The following RALYL variants were observed in gnomAD, a reference collection of about 807,000 sequenced individuals.
RALYL encodes RNA-binding Raly-like protein.
In RALYL, 29 loss-of-function variants were observed where a neutral mutation model predicts 35.1. That is an observed-to-expected ratio of 0.83 (90% CI 0.61 to 1.13). The LOEUF (loss-of-function observed/expected upper bound fraction) is 1.13, where lower values mean the gene tolerates loss of function less well. Ranked by LOEUF, RALYL falls within the 50% of genes most tolerant of loss-of-function variation. RALYL has a pLI of 0.00. For synonymous variants in RALYL, 120 were observed against 127.6 expected, an observed-to-expected ratio of 0.94 and a Z score of 0.40; for missense variants, 359 against 360.4, an observed-to-expected ratio of 1.00 and a Z score of 0.03.
chr8:84,340,912 A>G (rs1391385116), intron 1 of RALYL, among the ~76,000 whole-genome samples: 1 of 152,034 alleles, frequency 6.6e-6, no homozygotes, highest in African/African-American at 2.4e-5. Flanking sequence ...TACAGGCCAC[A>G]CCATTTTACA....
At chr8:84,818,280 G>A (rs1351671906) in intron 4 of RALYL, among the ~76,000 whole-genome samples, 1 of 152,110 alleles carries the variant, frequency 6.6e-6, no homozygotes, top group Non-Finnish European at 1.5e-5. Flanking sequence ...AAGGATGGTT[G>A]GTAGCAGAAC....
chr8:84,457,515 T>C (rs903071827), intron 1 of RALYL, among the ~76,000 whole-genome samples: 1 of 151,964 alleles, frequency 6.6e-6, no homozygotes, highest in Non-Finnish European at 1.5e-5. Flanking sequence ...AAGGGACATA[T>C]TAATGTTTCA....
intron 2 of RALYL, among the ~76,000 whole-genome samples, chr8:84,648,222 A>G (rs1226641633): frequency 6.6e-6 from 1 of 152,110 alleles, no homozygotes; most frequent in Non-Finnish European, 1.5e-5. Flanking sequence ...ACTCCTGCAG[A>G]CACATTAAAG....
intron 1 of RALYL, among the ~76,000 whole-genome samples, chr8:84,487,254 C>T (rs1236293603): frequency 6.6e-6 from 1 of 151,988 alleles, no homozygotes; most frequent in Non-Finnish European, 1.5e-5. Context: ...ATAATTTTTT[C>T]AGAAAAATAA....
chr8:84,454,755 A>G (rs1162380831), intron 1 of RALYL, among the ~76,000 whole-genome samples: 1 of 152,064 alleles, frequency 6.6e-6, no homozygotes, highest in Non-Finnish European at 1.5e-5. Context: ...TCTCTCCCAC[A>G]ATAGAGTCAC....
intron 2 of RALYL, among the ~76,000 whole-genome samples, chr8:84,762,804 T>C (rs947496816): frequency 2.0e-5 from 3 of 152,180 alleles, no homozygotes; most frequent in Non-Finnish European, 4.4e-5. Flanking sequence ...TGAAATGACA[T>C]ACAAATGTTA....
rs1278001528 is a variant in RALYL at position 84,654,273 on chromosome 8, A to ATATATG, written c.257-120301_257-120300insGTATAT. Among the ~76,000 whole-genome samples, 35 of 41,782 alleles carry ATATATG rather than the reference A, an allele frequency of 8.4e-4. 3 individuals carry two copies. Among genetic ancestry groups the ATATATG allele is most frequent in the South Asian group, 1.3e-3 (2 of 1,532 alleles). 27.4% of individuals were successfully genotyped at this position (41,782 alleles called of 152,430 possible). On this transcript the variant is annotated intron_variant, in intron 2 of 8. Transcript: ENST00000521268. ...CGTATATGTATATCTCATGTTCCAT[A>ATATATG]TATATATATATATATATATATATAT...
intron 1 of RALYL, among the ~76,000 whole-genome samples, chr8:84,520,623 G>A (rs2058389095): frequency 6.6e-6 from 1 of 152,144 alleles, no homozygotes; most frequent in Non-Finnish European, 1.5e-5. Flanking sequence ...GAGGTGAGTG[G>A]CCGGTGAGGC....
chr8:84,767,862 A>T (rs902134145), intron 2 of RALYL, among the ~76,000 whole-genome samples: 3 of 152,244 alleles, frequency 2.0e-5, no homozygotes, highest in African/African-American at 7.2e-5. Context: ...GTATATAGGC[A>T]TCTGTAAAGG....
At chr8:84,789,444 T>C (rs956403671) in intron 3 of RALYL, among the ~76,000 whole-genome samples, 1 of 152,202 alleles carries the variant, frequency 6.6e-6, no homozygotes, top group Admixed American at 6.5e-5. Context: ...AATTGTAACA[T>C]AATTTTATGA....
chr8:84,423,273 T>C (rs1420627964), intron 1 of RALYL, among the ~76,000 whole-genome samples: 8 of 151,670 alleles, frequency 5.3e-5, no homozygotes, highest in Non-Finnish European at 1.2e-4. Context: ...TTAGCTCTTC[T>C]TGTTGAATTG....
chr8:84,190,871 CT>C (rs35254976), intron 1 of RALYL, among the ~76,000 whole-genome samples: 38 of 147,584 alleles, frequency 2.6e-4, no homozygotes, highest in Admixed American at 3.4e-4. Context: ...GGAACATCTG[CT>C]TTTTTTTTTG....
At position 84,691,575 on chromosome 8, in the gene RALYL, A is replaced by T. The variant is rs187775788; in HGVS notation, c.257-83004A>T. Among the ~76,000 whole-genome samples the T allele has an allele frequency of 3.4e-3, 520 of 152,150 alleles. 1 individual carries two copies. Among genetic ancestry groups the T allele is most frequent in the Non-Finnish European group, 5.0e-3 (340 of 67,964 alleles). ...AAGCACAGCCCCATTTAATTAAAGA[A>T]AGAGCAAATGAGCACCTTCTAAACC... is the stretch of plus-strand genomic sequence containing the variant. On this transcript the variant is annotated intron_variant, in intron 2 of 8. Coordinates refer to ENST00000521268, the MANE Select transcript of RALYL (RefSeq NM_173848.7).
At chr8:84,847,428 G>A (rs1284576091) in intron 4 of RALYL, among the ~76,000 whole-genome samples, 1 of 152,092 alleles carries the variant, frequency 6.6e-6, no homozygotes, top group African/African-American at 2.4e-5. Flanking sequence ...TTGACTCTCA[G>A]TGTTTTCTCT....
At chr8:84,847,239 G>T (rs982822945) in intron 4 of RALYL, among the ~76,000 whole-genome samples, 4 of 152,168 alleles carry the variant, frequency 2.6e-5, no homozygotes, top group African/African-American at 7.2e-5. Flanking sequence ...GGGGATCATG[G>T]CATCTCTTAT....
At chr8:84,447,985 C>T (rs150812095) in intron 1 of RALYL, among the ~76,000 whole-genome samples, 7 of 151,492 alleles carry the variant, frequency 4.6e-5, no homozygotes, top group South Asian at 2.1e-4. Context: ...ACAGAGAGAG[C>T]GAGAGTGAGG....
intron 6 of RALYL, chr8:84,864,798 A>G: frequency 1.6e-6 from 1 of 618,842 alleles, no homozygotes. Context: ...CCAGCCCTGC[A>G]GCAGAGCTTC....
intron 1 of RALYL, among the ~76,000 whole-genome samples, chr8:84,485,354 G>A (rs1287488259): frequency 6.6e-6 from 1 of 152,034 alleles, no homozygotes; most frequent in Non-Finnish European, 1.5e-5. Context: ...TTTGGGAGGC[G>A]GAGGCGAGTG....
intron 6 of RALYL, among the ~76,000 whole-genome samples, chr8:84,862,801 G>A (rs1005696429): frequency 6.6e-6 from 1 of 152,152 alleles, no homozygotes; most frequent in Admixed American, 6.5e-5. Flanking sequence ...CAAAGGGAGT[G>A]CATAAACTGT....
Sources: allele counts gnomAD v4.1 joint callset (sites outside exome capture counted in the v4.1 genomes callset), GRCh38; gene constraint gnomAD v4.1.1; transcripts MANE v1.5; gene names NCBI Gene and HGNC (gene_info 2026-07-23, HGNC 2026-07-21).